Variants in FBXL20 observed in about 807,000 individuals in gnomAD.
FBXL20 encodes F-box/LRR-repeat protein 20.
Under a neutral mutation model 64.0 loss-of-function variants are expected in FBXL20, and 11 were observed. The observed-to-expected ratio is 0.17, with a 90% confidence interval of 0.11 to 0.28. The LOEUF is 0.28. Among genes scored for constraint, FBXL20 ranks in the 10% least tolerant of loss-of-function variants. The probability of loss-of-function intolerance (pLI) is 1.00; values close to 1 mark genes in which losing one functional copy is unlikely to be tolerated. For missense variants in FBXL20, 303 were observed against 526.2 expected (o/e 0.58, Z 4.15); for synonymous variants, 184 against 189.0 (o/e 0.97, Z 0.22).
upstream of FBXL20, chr17:39,402,554 G>T (rs370989628): frequency 4.4e-6 from 1 of 226,914 alleles, no homozygotes; most frequent in South Asian, 1.8e-4. Context: ...GTGGGGGTGG[G>T]GCGGGCGAGA....
chr17:39,350,761 G>A (rs548579122), intron 1 of FBXL20, among the ~76,000 whole-genome samples: 9 of 152,082 alleles, frequency 5.9e-5, no homozygotes, highest in East Asian at 1.9e-4. Context: ...GGTTAAGAAC[G>A]GATGGTCCCC....
In FBXL20 at chr17:39,256,772, G is replaced by A. The variant is rs947469050; in HGVS notation, c.*4688C>T. Reference sequence around the variant, plus strand: ...GCACAATAAACATAAAATGGCCAAGGGTCACCCATGACCCATGAGTGCTCT... The same window carrying A: ...GCACAATAAACATAAAATGGCCAAGAGTCACCCATGACCCATGAGTGCTCT... On this transcript the variant is annotated 3_prime_UTR_variant, in exon 15 of 15. Coordinates refer to ENST00000264658, the MANE Select transcript of FBXL20 (RefSeq NM_032875.3). 2 of 151,970 alleles carry A rather than the reference G, an allele frequency of 1.3e-5. No individual in the cohort carries two copies. Among genetic ancestry groups the A allele is most frequent in the African/African-American group, 2.4e-5 (1 of 41,362 alleles). 9.4% of individuals were successfully genotyped at this position (151,970 alleles called of 1,614,324 possible).
At chr17:39,310,863 T>C (rs2047228942) in intron 2 of FBXL20, among the ~76,000 whole-genome samples, 1 of 152,044 alleles carries the variant, frequency 6.6e-6, no homozygotes, top group African/African-American at 2.4e-5. Flanking sequence ...CACACGCCTG[T>C]AATCTCAGCT....
intron 1 of FBXL20, among the ~76,000 whole-genome samples, chr17:39,359,352 A>G (rs1443326905): frequency 6.6e-6 from 1 of 151,520 alleles, no homozygotes; most frequent in East Asian, 1.9e-4. Flanking sequence ...AAAAACAAAC[A>G]ACAGAGGTGG....
chr17:39,278,247 G>A (rs1027897086), intron 9 of FBXL20, among the ~76,000 whole-genome samples: 1 of 152,134 alleles, frequency 6.6e-6, no homozygotes, highest in African/African-American at 2.4e-5. Context: ...CCAGGTTCAA[G>A]TGAGTCTCCT....
intron 5 of FBXL20, among the ~76,000 whole-genome samples, chr17:39,298,349 T>C (rs1030935861): frequency 2.0e-5 from 3 of 152,142 alleles, no homozygotes; most frequent in African/African-American, 7.2e-5. Flanking sequence ...CTTGTACTCC[T>C]GGCCTCAAGT....
rs2047129702 is a variant in FBXL20 at position 39,301,074 on chromosome 17, G to T, written c.161C>A (p.Ala54Asp). The T allele has an allele frequency of 2.5e-6, 4 of 1,613,178 alleles. No individual in the cohort carries two copies. Among genetic ancestry groups the T allele is most frequent in the Non-Finnish European group, 3.4e-6 (4 of 1,179,768 alleles). ...GCCATCCAGAGCCAGAACATTCCAG[G>T]CCTATTTTAAAGAAAAAGAGACAGA... ...TLCRCAQVSR[A>D]WNVLALDGSN... is the part of the protein sequence containing the mutation. The change falls in exon 4 of 15, where the codon GCC (alanine) becomes GAC (aspartate). Residue 54 changes from alanine to aspartate, a missense_variant and splice_region_variant. Ala to Asp is a moderately radical substitution (Grantham distance 126). Around this residue, in one of 3 missense-constraint regions of FBXL20, gnomAD observed 246 missense variants for 422.6 expected, o/e 0.58. Transcript: ENST00000264658.
intron 9 of FBXL20, among the ~76,000 whole-genome samples, chr17:39,276,221 GA>G (rs1215336803): frequency 0.18 from 11,245 of 60,862 alleles, 439 homozygotes; most frequent in South Asian, 0.24. Context: ...AGCAAGAAAA[GA>G]AAAAAAAAAA....
intron 1 of FBXL20, among the ~76,000 whole-genome samples, chr17:39,389,343 G>A (rs2048113880): frequency 6.6e-6 from 1 of 152,128 alleles, no homozygotes; most frequent in Non-Finnish European, 1.5e-5. Context: ...GAAATAAGTT[G>A]TGATATGATT....
At chr17:39,335,666 T>TAGA (rs1330573002) in intron 2 of FBXL20, among the ~76,000 whole-genome samples, 1 of 152,088 alleles carries the variant, frequency 6.6e-6, no homozygotes, top group East Asian at 1.9e-4. Flanking sequence ...GTCTTTGTCT[T>TAGA]AGAAACATAG....
At chr17:39,382,316 G>A (rs1419110258) in intron 1 of FBXL20, among the ~76,000 whole-genome samples, 5 of 150,836 alleles carry the variant, frequency 3.3e-5, no homozygotes, top group African/African-American at 9.8e-5. Flanking sequence ...GGTGGCGTAC[G>A]CCTGTAGTCC....
At chr17:39,369,538 A>G (rs899731928) in intron 1 of FBXL20, among the ~76,000 whole-genome samples, 10 of 152,062 alleles carry the variant, frequency 6.6e-5, no homozygotes, top group Non-Finnish European at 7.4e-5. Flanking sequence ...TTTTTAGAAG[A>G]GACGGGGTTT....
intron 2 of FBXL20, among the ~76,000 whole-genome samples, chr17:39,328,568 G>C (rs1235245007): frequency 6.6e-6 from 1 of 152,090 alleles, no homozygotes; most frequent in Non-Finnish European, 1.5e-5. Context: ...GAATCCATAC[G>C]GATATAAACA....
intron 2 of FBXL20, among the ~76,000 whole-genome samples, chr17:39,337,239 C>T (rs1470828378): frequency 1.3e-5 from 2 of 152,210 alleles, no homozygotes; most frequent in African/African-American, 2.4e-5. Flanking sequence ...CCGCCAGCCT[C>T]GGCCTCCCAA....
At chr17:39,289,990 C>T (rs1306710067) in intron 6 of FBXL20, among the ~76,000 whole-genome samples, 14 of 102,808 alleles carry the variant, frequency 1.4e-4, no homozygotes, top group African/African-American at 6.0e-4. Context: ...TAGTGCGAGA[C>T]TCAGTCTCAA....
At position 39,401,445 on chromosome 17, in the gene FBXL20, G is replaced by C. The variant is rs753248351; in HGVS notation, c.-43C>G. 5 of 1,562,424 alleles carry C rather than the reference G, an allele frequency of 3.2e-6. No homozygotes were observed. In the African/African-American group the frequency reaches 6.8e-5, roughly 21 times the overall value. ...CCCGGGCCGGGCGCTGCGGCGAGCG[G>C]AGTGCACAGACCGGGGGCCCAGGAC... On this transcript the variant is annotated 5_prime_UTR_variant, in exon 1 of 15. Transcript: ENST00000264658.
intron 2 of FBXL20, among the ~76,000 whole-genome samples, chr17:39,311,666 T>C (rs2047236670): frequency 6.6e-6 from 1 of 152,190 alleles, no homozygotes; most frequent in Admixed American, 6.5e-5. Flanking sequence ...TAACAAACAT[T>C]ACATTGATGA....
At chr17:39,327,570 T>A (rs952308705) in intron 2 of FBXL20, among the ~76,000 whole-genome samples, 7 of 152,106 alleles carry the variant, frequency 4.6e-5, no homozygotes, top group African/African-American at 1.7e-4. Context: ...TATACAGATA[T>A]AAATATGGGC....
Position 39,401,509 on chromosome 17 carries a change from G to A in FBXL20, c.-107C>T, listed in dbSNP as rs1216711039. 56 of 1,489,136 alleles carry A rather than the reference G, an allele frequency of 3.8e-5. No homozygotes were observed. Among genetic ancestry groups the A allele is most frequent in the Non-Finnish European group, 5.0e-5 (56 of 1,127,972 alleles). The allele number at this position is 1,489,136 out of a possible 1,614,324, so 92.2% of individuals were successfully genotyped here. ...CCGGGACGGGGACTGGGCGCCGGAGGGGTGACGCCGGGACCGTGGGACGGG... is the reference window on the plus strand; with the variant it reads ...CCGGGACGGGGACTGGGCGCCGGAGAGGTGACGCCGGGACCGTGGGACGGG... On this transcript the variant is annotated 5_prime_UTR_variant, in exon 1 of 15. Coordinates refer to ENST00000264658, the MANE Select transcript of FBXL20 (RefSeq NM_032875.3).
Sources: allele counts gnomAD v4.1 joint callset (sites outside exome capture counted in the v4.1 genomes callset), GRCh38; gene constraint gnomAD v4.1.1; regional missense constraint gnomAD v4.1.1; transcripts MANE v1.5; gene names NCBI Gene and HGNC (gene_info 2026-07-23, HGNC 2026-07-21).